Variants in MAST3 observed in about 807,000 individuals in gnomAD.
MAST3 encodes the protein microtubule-associated serine/threonine-protein kinase 3.
Under a neutral mutation model 127.0 loss-of-function variants are expected in MAST3, and 43 were observed. The observed-to-expected ratio is 0.34, with a 90% confidence interval of 0.27 to 0.44. The LOEUF (loss-of-function observed/expected upper bound fraction) is 0.44, where lower values mean the gene tolerates loss of function less well. Ranked by LOEUF, MAST3 falls within the 20% of genes least tolerant of loss-of-function variation. MAST3 has a pLI of 1.00. For missense variants in MAST3, 1,390 were observed against 1,919.1 expected (o/e 0.72, Z 5.15); for synonymous variants, 785 against 809.2 (o/e 0.97, Z 0.51).
Position 18,144,106 on chromosome 19 carries a change from A to G in MAST3, c.2584+99A>G. On this transcript the variant is annotated intron_variant, in intron 22 of 27. Coordinates refer to ENST00000687212, the MANE Select transcript of MAST3 (RefSeq NM_001393504.1). This position sits in a 1 kb window ranked among gnomAD's most constrained non-coding sequence, Gnocchi z 4.0. Reference sequence around the variant, plus strand: ...TCAAGGATGAGTAGGAGTTCTCCAGAGCCAACAAAGGCTTTAAGAGAGGAG... The same window carrying G: ...TCAAGGATGAGTAGGAGTTCTCCAGGGCCAACAAAGGCTTTAAGAGAGGAG... 1 of 1,451,562 alleles carries G rather than the reference A, an allele frequency of 6.9e-7. No individual in the cohort carries two copies. Among genetic ancestry groups the G allele is most frequent in the Non-Finnish European group, 9.1e-7 (1 of 1,093,198 alleles). The allele number at this position is 1,451,562 out of a possible 1,614,324, so 89.9% of individuals were successfully genotyped here.
intron 14 of MAST3, 120 bp downstream of exon 14, chr19:18,130,822 T>A: frequency 9.6e-7 from 1 of 1,045,080 alleles, no homozygotes. Context: ...CACCCTGCTT[T>A]GGGGAACCCT....
chr19:18,110,079 C>A lies in MAST3; in HGVS notation c.72-573C>A. The A allele has an allele frequency of 1.0e-6, 1 of 985,284 alleles. No homozygotes were observed. Among genetic ancestry groups the A allele is most frequent in the East Asian group, 1.1e-4 (1 of 8,792 alleles). The allele number at this position is 985,284 out of a possible 1,614,324, so 61.0% of individuals were successfully genotyped here. On this transcript the variant is annotated intron_variant, in intron 2 of 27. Transcript: ENST00000687212. This position sits in a 1 kb window ranked among gnomAD's most constrained non-coding sequence, Gnocchi z 4.3. ...CACCCGCGGCTCCCCTTTCCCGCTG[C>A]GCGACCCTCGCTGCCGGGCCGGGCC...
intron 3 of MAST3, among the ~76,000 whole-genome samples, chr19:18,113,622 G>A (rs1314398272): frequency 6.6e-6 from 1 of 152,088 alleles, no homozygotes; most frequent in Admixed American, 6.6e-5. Context: ...CACCACTCCT[G>A]GCTAATTTTT....
intron 13 of MAST3, 26 bp from the exon 14 acceptor site, chr19:18,130,468 C>T (rs761416550): frequency 1.3e-6 from 2 of 1,570,080 alleles, no homozygotes; most frequent in Non-Finnish European, 1.7e-6. Flanking sequence ...TCTCCGGTCC[C>T]AGCAAGCCTG....
At chr19:18,130,962 T>C (rs1195410127) in intron 14 of MAST3, among the ~76,000 whole-genome samples, 2 of 152,146 alleles carry the variant, frequency 1.3e-5, no homozygotes, top group Non-Finnish European at 2.9e-5. Flanking sequence ...GGGGAACTGA[T>C]GGGCAGAGGC....
chr19:18,121,863 C>G lies in MAST3; in HGVS notation c.261C>G (p.Pro87=), dbSNP rs1348159637. ...CCTCCTCCTCAGCAGGCAGCAGCCC[C>G]TTGGATAGTCCTCGGAATTTCTCGG... ...SPLSVPTGSS[P]LDSPRNFSAA... The change falls in exon 5 of 28, where the codon CCC becomes CCG. Residue 87 remains proline, a synonymous_variant. Coordinates refer to ENST00000687212, the MANE Select transcript of MAST3 (RefSeq NM_001393504.1). The G allele has an allele frequency of 1.2e-6, 2 of 1,614,036 alleles. No homozygotes were observed. Among genetic ancestry groups the G allele is most frequent in the Non-Finnish European group, 1.7e-6 (2 of 1,179,892 alleles).
chr19:18,100,129 T>TCTCTCTC (rs1303410350), intron 1 of MAST3, among the ~76,000 whole-genome samples: 1 of 92,896 alleles, frequency 1.1e-5, no homozygotes, highest in African/African-American at 4.1e-5. Flanking sequence ...TCTCTCTCTC[T>TCTCTCTC]TTTTTTTTTT....
intron 15 of MAST3, 57 bp from the exon 16 acceptor site, chr19:18,134,521 AG>A: frequency 1.3e-6 from 2 of 1,551,302 alleles, no homozygotes; most frequent in Non-Finnish European, 1.7e-6. Flanking sequence ...CTAGGGCAGA[AG>A]GGGAGGCCAG....
chr19:18,145,696 G>C lies in MAST3; in HGVS notation c.3040-47G>C, dbSNP rs1468617998. The C allele has an allele frequency of 6.6e-7, 1 of 1,516,746 alleles. No homozygotes were observed. Among genetic ancestry groups the C allele is most frequent in the Non-Finnish European group, 8.8e-7 (1 of 1,137,444 alleles). 94.0% of individuals were successfully genotyped at this position (1,516,746 alleles called of 1,614,324 possible). On this transcript the variant is annotated intron_variant, in intron 24 of 27. Coordinates refer to ENST00000687212, the MANE Select transcript of MAST3 (RefSeq NM_001393504.1). The surrounding 1 kb of genome is among the most constrained non-coding windows in gnomAD (Gnocchi z 5.9). ...GACCCAGCCTGGGCTGGGGTCCCCAGATGTGGGGCCCAGGCCATTGACCCC... is the reference window on the plus strand; with the variant it reads ...GACCCAGCCTGGGCTGGGGTCCCCACATGTGGGGCCCAGGCCATTGACCCC...
Position 18,150,892 on chromosome 19 carries a change from A to T in MAST3, c.*1166A>T, listed in dbSNP as rs974314337. On this transcript the variant is annotated 3_prime_UTR_variant, in exon 28 of 28. Transcript: ENST00000687212. ...GCTCGGCTGTCTCGGGGCACGCTCCAGTATGCCAGTCCTGCGGGATTACGT... is the reference window on the plus strand; with the variant it reads ...GCTCGGCTGTCTCGGGGCACGCTCCTGTATGCCAGTCCTGCGGGATTACGT... 6.6e-6 allele frequency: 1 copy of T among 152,320 alleles called. No homozygotes were observed. Among genetic ancestry groups the T allele is most frequent in the Non-Finnish European group, 1.5e-5 (1 of 68,106 alleles). The allele number at this position is 152,320 out of a possible 1,614,324, so 9.4% of individuals were successfully genotyped here.
In MAST3 at chr19:18,145,277, T is replaced by C. The variant is rs1568611682; in HGVS notation, c.3039+48T>C. On this transcript the variant is annotated intron_variant, in intron 24 of 27. Transcript: ENST00000687212. This position sits in a 1 kb window ranked among gnomAD's most constrained non-coding sequence, Gnocchi z 5.9. ...AGGGACCCGGGTTCTAGTTTGACTC[T>C]GCCCGGTCATGTCCCTTCTCAGAGC... 2.6e-6 allele frequency: 4 copies of C among 1,556,368 alleles called. No homozygotes were observed. The highest frequency in any genetic ancestry group is 3.5e-6 in the Non-Finnish European group (4 of 1,129,230).
At chr19:18,117,187 G>T (rs189973245) in intron 3 of MAST3, among the ~76,000 whole-genome samples, 1 of 152,250 alleles carries the variant, frequency 6.6e-6, no homozygotes, top group East Asian at 1.9e-4. Context: ...GGGATGTTAC[G>T]CATGGGGAAA....
At chr19:18,100,112 ATCTC>A (rs1310776979) in intron 1 of MAST3, among the ~76,000 whole-genome samples, 3 of 134,782 alleles carry the variant, frequency 2.2e-5, no homozygotes, top group Non-Finnish European at 3.2e-5. Flanking sequence ...AGGCAGAAGG[ATCTC>A]TCTCTCTCTC....
intron 14 of MAST3, 27 bp downstream of exon 14, chr19:18,130,729 C>T (rs900796967): frequency 1.2e-6 from 2 of 1,604,508 alleles, no homozygotes; most frequent in Non-Finnish European, 1.7e-6. Flanking sequence ...TTGCATGCCT[C>T]CAGCGATGGG....
At chr19:18,102,179 C>CTT (rs940864516) in intron 1 of MAST3, among the ~76,000 whole-genome samples, 2 of 144,580 alleles carry the variant, frequency 1.4e-5, no homozygotes, top group African/African-American at 5.1e-5. Context: ...TGCGCCTGGC[C>CTT]TTTTTTTTTT....
At position 18,124,779 on chromosome 19, in the gene MAST3, G is replaced by A; in HGVS notation, c.1078+5G>A. On this transcript the variant is annotated splice_donor_5th_base_variant and intron_variant, in intron 11 of 27. Transcript: ENST00000687212. ...TGGCCAAGGACCCCCTGGAGGGTAAGCCGGGATGGGAAGAGGAAACCAAGG... is the reference window on the plus strand; with the variant it reads ...TGGCCAAGGACCCCCTGGAGGGTAAACCGGGATGGGAAGAGGAAACCAAGG... 1.3e-6 allele frequency: 2 copies of A among 1,584,790 alleles called. No homozygotes were observed. The highest frequency in any genetic ancestry group is 8.6e-7 in the Non-Finnish European group (1 of 1,165,116).
chr19:18,100,203 C>T (rs2037473791), intron 1 of MAST3, among the ~76,000 whole-genome samples: 1 of 150,572 alleles, frequency 6.6e-6, no homozygotes, highest in Non-Finnish European at 1.5e-5. Context: ...CGGCTCACTG[C>T]AACCTCCACC....
Position 18,123,560 on chromosome 19 carries a change from G to A in MAST3, c.558-20G>A, listed in dbSNP as rs1016690702. 32 of 1,538,414 alleles carry A rather than the reference G, an allele frequency of 2.1e-5. No homozygotes were observed. Among genetic ancestry groups the A allele is most frequent in the Non-Finnish European group, 2.6e-5 (30 of 1,142,528 alleles). ...GTTGGTCTCAGGTCCCATATCACAA[G>A]CCAGCTGTCTTCCTTTCAGCCCGGG... On this transcript the variant is annotated intron_variant, in intron 7 of 27. Transcript: ENST00000687212.
At chr19:18,138,601 G>A (rs1045511197) in intron 19 of MAST3, among the ~76,000 whole-genome samples, 9 of 152,006 alleles carry the variant, frequency 5.9e-5, no homozygotes, top group Non-Finnish European at 8.8e-5. Flanking sequence ...GGGTTCAAGC[G>A]ATTCTCCTGC....
Sources: allele counts gnomAD v4.1 joint callset (sites outside exome capture counted in the v4.1 genomes callset), GRCh38; gene constraint gnomAD v4.1.1; non-coding constraint Gnocchi (gnomAD v3.1); transcripts MANE v1.5; gene names NCBI Gene and HGNC (gene_info 2026-07-23, HGNC 2026-07-21).